ROBO2: variants seen among roughly 807,000 people sequenced by gnomAD.
ROBO2 encodes roundabout homolog 2.
ROBO2 carries 53 observed loss-of-function variants against 160.8 expected under a neutral mutation model. That is an observed-to-expected ratio of 0.33 (90% CI 0.26 to 0.41). The LOEUF is 0.41. Ranked by LOEUF, ROBO2 falls within the 10% of genes least tolerant of loss-of-function variation. The pLI is 1.00. For missense variants in ROBO2, 1,577 were observed against 1,722.4 expected, an observed-to-expected ratio of 0.92 and a Z score of 1.49; for synonymous variants, 664 against 611.7, an observed-to-expected ratio of 1.09 and a Z score of -1.26.
At chr3:76,814,544 A>G (rs2065494164) in intron 2 of ROBO2, among the ~76,000 whole-genome samples, 1 of 152,034 alleles carries the variant, frequency 6.6e-6, no homozygotes, top group Non-Finnish European at 1.5e-5. Flanking sequence ...GTTTGTGCAA[A>G]ATTATTTTAG....
At chr3:77,122,426 G>A (rs1204468366) in intron 2 of ROBO2, among the ~76,000 whole-genome samples, 1 of 152,184 alleles carries the variant, frequency 6.6e-6, no homozygotes, top group Non-Finnish European at 1.5e-5. Context: ...GTGTAAATGA[G>A]TAAGTGTTGC....
At chr3:76,935,353 G>A (rs1434889565) in intron 2 of ROBO2, among the ~76,000 whole-genome samples, 1 of 152,118 alleles carries the variant, frequency 6.6e-6, no homozygotes, top group East Asian at 1.9e-4. Context: ...TTAAGATTAC[G>A]ATGATACAAT....
At chr3:77,077,621 T>C (rs2068147620) in intron 1 of ROBO2, among the ~76,000 whole-genome samples, 1 of 152,212 alleles carries the variant, frequency 6.6e-6, no homozygotes, top group African/African-American at 2.4e-5. Context: ...GCTGGGACCT[T>C]GGTCCGTCGT....
intron 2 of ROBO2, among the ~76,000 whole-genome samples, chr3:77,232,952 G>A (rs1321526815): frequency 2.0e-5 from 3 of 152,038 alleles, no homozygotes; most frequent in South Asian, 2.1e-4. Flanking sequence ...TGTGAACAAT[G>A]GCCTTCAAAT....
intron 2 of ROBO2, among the ~76,000 whole-genome samples, chr3:76,706,693 A>G (rs972531288): frequency 1.3e-5 from 2 of 152,154 alleles, no homozygotes; most frequent in Non-Finnish European, 1.5e-5. Flanking sequence ...ATTTGGAAAC[A>G]TTGTAGAATA....
At chr3:76,613,367 G>A (rs1005662112) in intron 2 of ROBO2, among the ~76,000 whole-genome samples, 8 of 151,754 alleles carry the variant, frequency 5.3e-5, no homozygotes, top group Non-Finnish European at 1.0e-4. Flanking sequence ...TCTCTCTCAA[G>A]GTTTATTTAG....
chr3:76,315,656 G>A (rs1373811660), intron 2 of ROBO2, among the ~76,000 whole-genome samples: 1 of 152,150 alleles, frequency 6.6e-6, no homozygotes, highest in Non-Finnish European at 1.5e-5. Context: ...CTGCATAGAA[G>A]CCCATTATTA....
chr3:76,599,103 A>G (rs1157322965), intron 2 of ROBO2, among the ~76,000 whole-genome samples: 1 of 152,198 alleles, frequency 6.6e-6, no homozygotes, highest in Non-Finnish European at 1.5e-5. Flanking sequence ...TCAGGGTTAC[A>G]TGTGCAGGTT....
At chr3:77,303,545 T>A (rs1028111901) in intron 2 of ROBO2, among the ~76,000 whole-genome samples, 3 of 152,112 alleles carry the variant, frequency 2.0e-5, no homozygotes, top group African/African-American at 7.2e-5. Context: ...TAATATATAT[T>A]TATTGCATTC....
chr3:76,997,029 T>A (rs2061053510), intron 2 of ROBO2, among the ~76,000 whole-genome samples: 1 of 152,204 alleles, frequency 6.6e-6, no homozygotes, highest in African/African-American at 2.4e-5. Context: ...GTGTGCTAGA[T>A]ATTTAATTTG....
intron 5 of ROBO2, among the ~76,000 whole-genome samples, chr3:77,520,134 A>C (rs1168622613): frequency 1.3e-5 from 2 of 151,352 alleles, no homozygotes; most frequent in African/African-American, 4.8e-5. Context: ...AATGTGAAGT[A>C]AAATTTTGTC....
At chr3:77,009,421 A>T (rs2061748877) in intron 2 of ROBO2, among the ~76,000 whole-genome samples, 1 of 152,120 alleles carries the variant, frequency 6.6e-6, no homozygotes, top group Non-Finnish European at 1.5e-5. Context: ...GAAAATAAAA[A>T]CTCTAATCCA....
chr3:77,465,543 C>A (rs1200986443), intron 2 of ROBO2, among the ~76,000 whole-genome samples: 1 of 152,104 alleles, frequency 6.6e-6, no homozygotes, highest in African/African-American at 2.4e-5. Flanking sequence ...TGAGCACATA[C>A]TCTATGGATG....
chr3:76,220,819 T>C (rs538834117), intron 2 of ROBO2, among the ~76,000 whole-genome samples: 4 of 152,294 alleles, frequency 2.6e-5, no homozygotes, highest in African/African-American at 7.2e-5. Flanking sequence ...AGTCCTTAGT[T>C]CTATAACTAG....
At chr3:77,120,794 A>G (rs1288044556) in intron 2 of ROBO2, among the ~76,000 whole-genome samples, 1 of 152,192 alleles carries the variant, frequency 6.6e-6, no homozygotes, top group African/African-American at 2.4e-5. Flanking sequence ...TACTGAGCAG[A>G]ACAGGGAACT....
chr3:76,043,651 A>G (rs1355539151), intron 2 of ROBO2, among the ~76,000 whole-genome samples: 3 of 135,424 alleles, frequency 2.2e-5, no homozygotes, highest in Non-Finnish European at 3.2e-5. Flanking sequence ...AAAAAACCAC[A>G]CCAAAAAACC....
rs530622525 is a variant in ROBO2 at position 76,697,007 on chromosome 3, G to A, written c.110-401007G>A. On this transcript the variant is annotated intron_variant, in intron 2 of 26. Transcript: ENST00000487694. Reference sequence around the variant, plus strand: ...GGATATTGAGATAAAGTATTTTTATGTATAATTTGAGATATAGCTGGAATA... The same window carrying A: ...GGATATTGAGATAAAGTATTTTTATATATAATTTGAGATATAGCTGGAATA... Among the ~76,000 whole-genome samples the A allele has an allele frequency of 2.6e-5, 4 of 152,252 alleles. No individual in the cohort carries two copies. In the East Asian group the frequency reaches 7.8e-4, roughly 30 times the overall value.
chr3:76,481,511 T>C (rs13326098), intron 2 of ROBO2, among the ~76,000 whole-genome samples: 2 of 152,104 alleles, frequency 1.3e-5, no homozygotes, highest in Non-Finnish European at 2.9e-5. Flanking sequence ...TACTGCATGG[T>C]CAATGCATAT....
intron 2 of ROBO2, among the ~76,000 whole-genome samples, chr3:76,804,144 G>A (rs1179595597): frequency 2.6e-5 from 4 of 152,176 alleles, no homozygotes; most frequent in African/African-American, 9.6e-5. Context: ...GAGAATAAAA[G>A]TAAACAAATG....
Sources: gnomAD v4.1 joint callset for allele counts (sites outside exome capture counted in the v4.1 genomes callset) on GRCh38, gnomAD v4.1.1 for gene constraint, MANE v1.5 for transcripts, NCBI Gene and HGNC (gene_info 2026-07-23, HGNC 2026-07-21) for gene names.